The following PLCG2 variants were observed in gnomAD, a reference collection of about 807,000 sequenced individuals.
The protein encoded by PLCG2 is 1-phosphatidylinositol 4,5-bisphosphate phosphodiesterase gamma-2.
PLCG2 carries 69 observed loss-of-function variants against 175.6 expected under a neutral mutation model. That is an observed-to-expected ratio of 0.39 (90% confidence interval 0.32 to 0.48). The LOEUF is 0.48. PLCG2 is among the 20% of genes least tolerant of loss of function. The probability of loss-of-function intolerance (pLI) is 0.91; values close to 1 mark genes in which losing one functional copy is unlikely to be tolerated. For synonymous variants in PLCG2, 827 were observed against 624.0 expected (o/e 1.33, Z -4.85); for missense variants, 1,798 against 1,650.9 (o/e 1.09, Z -1.54).
At position 81,910,616 on chromosome 16, in the gene PLCG2, C is replaced by T; in HGVS notation, c.1830C>T (p.Ile610=). 1 of 1,614,142 alleles carries T rather than the reference C, an allele frequency of 6.2e-7. No homozygotes were observed. The highest frequency in any genetic ancestry group is 8.5e-7 in the Non-Finnish European group (1 of 1,179,992). The change falls in exon 18 of 33, where the codon ATC becomes ATT. Residue 610 remains isoleucine, a synonymous_variant. Coordinates refer to ENST00000564138, the MANE Select transcript of PLCG2 (RefSeq NM_002661.5). Reference sequence around the variant, plus strand: ...CTGACAACCTCACCTTCAGCAGCATCTATGCCCTCATCCAGCACTACCGCG... The same window carrying T: ...CTGACAACCTCACCTTCAGCAGCATTTATGCCCTCATCCAGCACTACCGCG... The part of the protein sequence containing the change: ...YLTDNLTFSS[I]YALIQHYRET...
intron 2 of PLCG2, among the ~76,000 whole-genome samples, chr16:81,822,066 G>C (rs1348964066): frequency 1.3e-5 from 2 of 152,210 alleles, no homozygotes; most frequent in African/African-American, 2.4e-5. Context: ...ACGCTGCAGA[G>C]ATGCTGCAAA....
At position 81,958,155 on chromosome 16, in the gene PLCG2, G is replaced by A. The variant is rs1911650726; in HGVS notation, c.*157G>A. 2 of 614,590 alleles carry A rather than the reference G, an allele frequency of 3.3e-6. No individual in the cohort carries two copies. The highest frequency in any genetic ancestry group is 3.0e-6 in the Non-Finnish European group (1 of 335,132). 38.1% of individuals were successfully genotyped at this position (614,590 alleles called of 1,614,324 possible). ...ATTTCTTAAGACCCAACTGGCATGAGTTGGGGTAATTTCCTATTATTTTCA... is the reference window on the plus strand; with the variant it reads ...ATTTCTTAAGACCCAACTGGCATGAATTGGGGTAATTTCCTATTATTTTCA... On this transcript the variant is annotated 3_prime_UTR_variant, in exon 33 of 33. Transcript: ENST00000564138.
At chr16:81,904,139 C>T (rs960365380) in intron 14 of PLCG2, among the ~76,000 whole-genome samples, 1 of 152,186 alleles carries the variant, frequency 6.6e-6, no homozygotes, top group South Asian at 2.1e-4. Context: ...GCCCTCAGAG[C>T]CTGTTTTCCC....
chr16:81,763,283 C>A (rs894443635), intron 2 of PLCG2, among the ~76,000 whole-genome samples: 1 of 152,146 alleles, frequency 6.6e-6, no homozygotes, highest in African/African-American at 2.4e-5. Flanking sequence ...ATCAGTCATC[C>A]ATTGCTGCAT....
intron 9 of PLCG2, 172 bp downstream of exon 9, chr16:81,883,513 C>T: frequency 1.6e-6 from 1 of 612,752 alleles, no homozygotes; most frequent in Non-Finnish European, 2.9e-6. Flanking sequence ...ATGCCAGAGA[C>T]TTCAGATTGC....
At chr16:81,755,080 A>C (rs1909893789) in intron 1 of PLCG2, among the ~76,000 whole-genome samples, 1 of 152,222 alleles carries the variant, frequency 6.6e-6, no homozygotes, top group African/African-American at 2.4e-5. Flanking sequence ...GGTAGGCATC[A>C]GATGAGATAA....
chr16:81,884,309 C>T (rs1187039966), intron 9 of PLCG2, among the ~76,000 whole-genome samples: 3 of 152,182 alleles, frequency 2.0e-5, no homozygotes, highest in East Asian at 1.9e-4. Context: ...CGAGATTGCG[C>T]CACTGGACTG....
intron 1 of PLCG2, among the ~76,000 whole-genome samples, chr16:81,780,580 T>A (rs1016542806): frequency 6.6e-6 from 1 of 152,196 alleles, no homozygotes; most frequent in East Asian, 1.9e-4. Context: ...GCCTCACTGA[T>A]GTTTAAGTCA....
chr16:81,882,560 A>G (rs1908136937), intron 8 of PLCG2, among the ~76,000 whole-genome samples: 1 of 151,984 alleles, frequency 6.6e-6, no homozygotes, highest in African/African-American at 2.4e-5. Flanking sequence ...GGTATTGGAT[A>G]GGCACACTCA....
At chr16:81,896,625 A>G (rs1908903921) in intron 13 of PLCG2, among the ~76,000 whole-genome samples, 1 of 152,150 alleles carries the variant, frequency 6.6e-6, no homozygotes, top group African/African-American at 2.4e-5. Flanking sequence ...AAGTGAGGCA[A>G]GGAAAGTAAA....
chr16:81,896,365 A>AACACAC (rs57375866), intron 13 of PLCG2, among the ~76,000 whole-genome samples: 54 of 121,174 alleles, frequency 4.5e-4, no homozygotes, highest in African/African-American at 1.7e-3. Context: ...TCTCTACCAA[A>AACACAC]ACACACACAC....
chr16:81,778,075 C>CAAAAAAAA (rs1567458043), upstream of PLCG2, among the ~76,000 whole-genome samples: 12 of 91,744 alleles, frequency 1.3e-4, no homozygotes, highest in African/African-American at 2.8e-4. Context: ...CAAAAACACA[C>CAAAAAAAA]ACACACAAAA....
rs1597144605 is a variant in PLCG2, at chr16:81,937,649, A to C, written c.3053-109A>C. The C allele has an allele frequency of 4.4e-6, 4 of 910,732 alleles. No homozygotes were observed. The African/African-American group carries it at 5.0e-5, about 11-fold the overall frequency. The allele number at this position is 910,732 out of a possible 1,614,324, so 56.4% of individuals were successfully genotyped here. On this transcript the variant is annotated intron_variant, in intron 27 of 32. Coordinates refer to ENST00000564138, the MANE Select transcript of PLCG2 (RefSeq NM_002661.5). ...AGATACCTATTTGAACAGCTGCCTC[A>C]CATTAATTTGGGGAAAAGGTGAAAT... is the stretch of plus-strand genomic sequence containing the variant.
intron 2 of PLCG2, among the ~76,000 whole-genome samples, chr16:81,761,475 A>C (rs1026443910): frequency 6.6e-6 from 1 of 152,216 alleles, no homozygotes; most frequent in African/African-American, 2.4e-5. Context: ...GACGCGTTGT[A>C]ATGGTTAAGC....
chr16:81,785,931 C>T lies in PLCG2; in HGVS notation c.-47-12C>T, dbSNP rs1051325187. Reference sequence around the variant, plus strand: ...ACTAAAATCAGTTCACTCTTTAATTCTGCCCTTTCAGCTTCCTGATTTCTC... The same window carrying T: ...ACTAAAATCAGTTCACTCTTTAATTTTGCCCTTTCAGCTTCCTGATTTCTC... On this transcript the variant is annotated splice_polypyrimidine_tract_variant and intron_variant, in intron 1 of 32. Transcript: ENST00000564138. 2.7e-6 allele frequency: 4 copies of T among 1,502,612 alleles called. No homozygotes were observed. Among genetic ancestry groups the T allele is most frequent in the Non-Finnish European group, 3.7e-6 (4 of 1,090,776 alleles). The allele number at this position is 1,502,612 out of a possible 1,614,324, so 93.1% of individuals were successfully genotyped here. A position where few individuals can be genotyped will look rare whatever the true frequency, so the allele number is the denominator to read the frequency against.
intron 2 of PLCG2, among the ~76,000 whole-genome samples, chr16:81,821,689 C>A (rs759602649): frequency 6.6e-6 from 1 of 152,096 alleles, no homozygotes; most frequent in African/African-American, 2.4e-5. Context: ...GTATAAGCAG[C>A]GGGTGGTGAA....
intron 31 of PLCG2, among the ~76,000 whole-genome samples, chr16:81,956,146 C>T (rs376358183): frequency 2.6e-5 from 4 of 152,184 alleles, no homozygotes; most frequent in African/African-American, 4.8e-5. Flanking sequence ...TAAATGGCAT[C>T]GTGTGATTTG....
intron 25 of PLCG2, among the ~76,000 whole-genome samples, chr16:81,932,954 G>C (rs928419618): frequency 3.7e-4 from 57 of 152,246 alleles, no homozygotes; most frequent in African/African-American, 1.3e-3. Context: ...CTGAGGCACA[G>C]GGAGGTGCCA....
At chr16:81,930,386 C>T (rs1910450182) in intron 24 of PLCG2, among the ~76,000 whole-genome samples, 1 of 152,146 alleles carries the variant, frequency 6.6e-6, no homozygotes, top group Admixed American at 6.5e-5. Context: ...GTTTTTGGCT[C>T]ATGGCTGCAT....
Sources: gnomAD v4.1 joint callset for allele counts (sites outside exome capture counted in the v4.1 genomes callset) on GRCh38, gnomAD v4.1.1 for gene constraint, MANE v1.5 for transcripts, NCBI Gene and HGNC (gene_info 2026-07-23, HGNC 2026-07-21) for gene names.